IMMP2L: variants seen among roughly 807,000 people sequenced by gnomAD.
IMMP2L encodes the protein inner mitochondrial membrane peptidase subunit 2, also known as mitochondrial inner membrane protease subunit 2.
In IMMP2L, 18 loss-of-function variants were observed where a neutral mutation model predicts 19.3. The ratio of observed to expected loss-of-function variants is 0.93; its 90% CI spans 0.64 to 1.38. IMMP2L has a LOEUF of 1.38. Among genes scored for constraint, IMMP2L ranks in the 40% most tolerant of loss-of-function variants. The probability of loss-of-function intolerance (pLI) is 0.00; values close to 1 mark genes in which losing one functional copy is unlikely to be tolerated. For missense variants in IMMP2L, 233 were observed against 218.2 expected (o/e 1.07, Z -0.43); for synonymous variants, 76 against 73.0 (o/e 1.04, Z -0.21).
chr7:111,090,627 A>G (rs953844555), intron 3 of IMMP2L, among the ~76,000 whole-genome samples: 77 of 151,132 alleles, frequency 5.1e-4, no homozygotes, highest in African/African-American at 1.8e-3. Flanking sequence ...AAAAAAAAAA[A>G]GTGTTATTGA....
At chr7:111,188,470 AATCTC>A (rs887483866) in intron 3 of IMMP2L, among the ~76,000 whole-genome samples, 1 of 152,110 alleles carries the variant, frequency 6.6e-6, no homozygotes, top group Non-Finnish European at 1.5e-5. Context: ...TAAGGGCACT[AATCTC>A]ATATACGAGG....
intron 3 of IMMP2L, among the ~76,000 whole-genome samples, chr7:111,445,002 C>A (rs1045260741): frequency 6.6e-6 from 1 of 151,818 alleles, no homozygotes; most frequent in African/African-American, 2.4e-5. Flanking sequence ...TAATGTTGAG[C>A]CTTAGAAGAT....
chr7:110,662,847 T>C lies in IMMP2L; in HGVS notation c.*755A>G, dbSNP rs1791182401. ...AACACATAGTATGACTAAATGCGGA[T>C]AAAGGGGTTTACCCATCATTGTGAA... is the stretch of plus-strand genomic sequence containing the variant. On this transcript the variant is annotated 3_prime_UTR_variant, in exon 6 of 6. Transcript: ENST00000405709. 6.6e-6 allele frequency among the ~76,000 whole-genome samples: 1 copy of C among 152,192 alleles called. No individual in the cohort carries two copies. Among genetic ancestry groups the C allele is most frequent in the African/African-American group, 2.4e-5 (1 of 41,456 alleles).
chr7:110,664,631 A>C (rs1791317625), intron 5 of IMMP2L, among the ~76,000 whole-genome samples: 1 of 152,172 alleles, frequency 6.6e-6, no homozygotes, highest in Non-Finnish European at 1.5e-5. Flanking sequence ...TCAGGGTCTT[A>C]TCTTAAGAGA....
intron 1 of IMMP2L, among the ~76,000 whole-genome samples, chr7:111,545,390 A>T (rs2613587): frequency 0.21 from 31,169 of 151,968 alleles, 5,094 homozygotes; most frequent in African/African-American, 0.45. Context: ...TTTTTCTTGT[A>T]GAGATGTTCG....
intron 4 of IMMP2L, among the ~76,000 whole-genome samples, chr7:110,950,082 G>A (rs778687143): frequency 2.2e-4 from 33 of 152,226 alleles, no homozygotes; most frequent in African/African-American, 7.0e-4. Context: ...CTTTCTAGAC[G>A]TTGCACATTT....
intron 3 of IMMP2L, among the ~76,000 whole-genome samples, chr7:111,253,747 A>T (rs1415838862): frequency 6.6e-6 from 1 of 152,180 alleles, no homozygotes; most frequent in African/African-American, 2.4e-5. Flanking sequence ...AGACTGCCAC[A>T]TAGAACTTGA....
chr7:111,314,344 T>C (rs1284211030), intron 3 of IMMP2L, among the ~76,000 whole-genome samples: 1 of 152,086 alleles, frequency 6.6e-6, no homozygotes, highest in Non-Finnish European at 1.5e-5. Flanking sequence ...GTATATAATT[T>C]GAAATATAGC....
rs191792685 is a variant in IMMP2L at position 111,243,165 on chromosome 7, C to G, written c.239+244073G>C. Among the ~76,000 whole-genome samples the G allele has an allele frequency of 5.9e-5, 9 of 152,024 alleles. 1 individual carries two copies. Among genetic ancestry groups the G allele is most frequent in the Admixed American group, 5.9e-4 (9 of 15,236 alleles). ...AGGAATTTTTAAATGTATGGCATGA[C>G]GTTGCCTTGCTCACCAGCCATTCAA... On this transcript the variant is annotated intron_variant, in intron 3 of 5. Coordinates refer to ENST00000405709, the MANE Select transcript of IMMP2L (RefSeq NM_032549.4).
intron 4 of IMMP2L, among the ~76,000 whole-genome samples, chr7:110,888,686 C>T (rs910125209): frequency 1.3e-5 from 2 of 152,110 alleles, no homozygotes; most frequent in African/African-American, 4.8e-5. Context: ...TTGCACTGAC[C>T]GTCTTATCTG....
intron 5 of IMMP2L, among the ~76,000 whole-genome samples, chr7:110,697,069 C>T (rs1793946233): frequency 6.6e-6 from 1 of 152,138 alleles, no homozygotes; most frequent in Admixed American, 6.5e-5. Context: ...AGAAATCAAC[C>T]AGAAGCAAAC....
intron 4 of IMMP2L, among the ~76,000 whole-genome samples, chr7:110,936,338 TA>T (rs766100548): frequency 3.3e-5 from 5 of 151,956 alleles, no homozygotes; most frequent in Admixed American, 6.6e-5. Context: ...ACAAGAAATG[TA>T]AACAAATTAA....
intron 4 of IMMP2L, among the ~76,000 whole-genome samples, chr7:110,956,335 C>G (rs547248848): frequency 1.2e-4 from 18 of 152,102 alleles, no homozygotes; most frequent in Non-Finnish European, 2.1e-4. Flanking sequence ...CTCACCAGCA[C>G]AAAATGACTG....
intron 5 of IMMP2L, among the ~76,000 whole-genome samples, chr7:110,836,983 A>G (rs1011451942): frequency 2.0e-5 from 3 of 152,144 alleles, no homozygotes; most frequent in Non-Finnish European, 4.4e-5. Flanking sequence ...AGGTGAAGAT[A>G]CCTTTTGAAT....
chr7:110,816,497 C>T (rs1222407769), intron 5 of IMMP2L, among the ~76,000 whole-genome samples: 3 of 151,634 alleles, frequency 2.0e-5, no homozygotes, highest in African/African-American at 7.3e-5. Context: ...TGGTGCAGAG[C>T]TGAGTTCAAT....
At chr7:110,998,531 A>T (rs993538498) in intron 3 of IMMP2L, among the ~76,000 whole-genome samples, 7 of 152,180 alleles carry the variant, frequency 4.6e-5, no homozygotes, top group Non-Finnish European at 7.3e-5. Context: ...ATCTAAGTAA[A>T]TCAAAGTTTG....
At chr7:110,798,981 A>C (rs551333726) in intron 5 of IMMP2L, among the ~76,000 whole-genome samples, 1 of 152,148 alleles carries the variant, frequency 6.6e-6, no homozygotes, top group African/African-American at 2.4e-5. Context: ...ATAAAAACTA[A>C]AACAATGGTA....
At chr7:111,042,057 T>C (rs1563186569) in intron 3 of IMMP2L, among the ~76,000 whole-genome samples, 3 of 152,216 alleles carry the variant, frequency 2.0e-5, no homozygotes, top group Admixed American at 1.3e-4. Flanking sequence ...ATAGTGTGTG[T>C]TAAATGAAAT....
intron 3 of IMMP2L, among the ~76,000 whole-genome samples, chr7:111,042,713 A>G (rs1792016938): frequency 6.6e-6 from 1 of 152,214 alleles, no homozygotes; most frequent in Non-Finnish European, 1.5e-5. Context: ...CTGCTCTGCC[A>G]CAATAGATGA....
Sources: gnomAD v4.1 joint callset for allele counts (sites outside exome capture counted in the v4.1 genomes callset) on GRCh38, gnomAD v4.1.1 for gene constraint, MANE v1.5 for transcripts, NCBI Gene and HGNC (gene_info 2026-07-23, HGNC 2026-07-21) for gene names.